Variants in DKKL1 observed in about 807,000 individuals in gnomAD.
DKKL1 encodes the protein dickkopf-like protein 1.
A neutral mutation model predicts 16.5 loss-of-function variants in DKKL1; 11 were observed. The ratio of observed to expected loss-of-function variants is 0.67; its 90% CI spans 0.42 to 1.10. The LOEUF is 1.10. Among genes scored for constraint, DKKL1 ranks in the 50% least tolerant of loss-of-function variants. DKKL1 has a pLI of 0.00. For missense variants in DKKL1, 320 were observed against 308.1 expected, an observed-to-expected ratio of 1.04 and a Z score of -0.29; for synonymous variants, 119 against 133.2, an observed-to-expected ratio of 0.89 and a Z score of 0.73.
chr19:49,363,814 G>A (rs997384636), upstream of DKKL1: 109 of 829,622 alleles, frequency 1.3e-4, no homozygotes, highest in Non-Finnish European at 2.6e-5. Flanking sequence ...CGGCAAGTTT[G>A]GAGCGTGGTC....
upstream of DKKL1, chr19:49,363,616 G>GCCAGGACTT: frequency 8.7e-6 from 3 of 344,404 alleles, no homozygotes; most frequent in South Asian, 7.1e-5. Flanking sequence ...AGAGAACACC[G>GCCAGGACTT]CCAGGACTTC....
chr19:49,366,034 TCTC>T, intron 4 of DKKL1, 149 bp downstream of exon 4: 1 of 668,192 alleles, frequency 1.5e-6, no homozygotes, highest in Non-Finnish European at 2.4e-6. Context: ...TTCAGGCAAT[TCTC>T]CTGCCTCAAG....
At chr19:49,365,468 T>C in intron 2 of DKKL1, 41 bp from the exon 3 acceptor site, 1 of 1,559,912 alleles carries the variant, frequency 6.4e-7, no homozygotes, top group Non-Finnish European at 8.7e-7. Flanking sequence ...ACTGAGGAGA[T>C]GTGAGGTCCA....
chr19:49,370,596 G>A (rs1973441470), intron 4 of DKKL1: 2 of 152,084 alleles, frequency 1.3e-5, no homozygotes, highest in Non-Finnish European at 2.9e-5. Context: ...AAGTTCCCAT[G>A]GAGGATACCC....
In DKKL1 at chr19:49,365,090, C is replaced by T. The variant is rs1034736599; in HGVS notation, c.183+336C>T. Among the ~76,000 whole-genome samples the T allele has an allele frequency of 2.0e-5, 3 of 152,150 alleles. No homozygotes were observed. The East Asian group carries it at 5.8e-4, about 29-fold the overall frequency. On this transcript the variant is annotated intron_variant, in intron 2 of 4. Coordinates refer to ENST00000221498, the MANE Select transcript of DKKL1 (RefSeq NM_014419.4). ...CTGAGGCAGAAGGATCCCTTGAGCCCAGGAGGTCGAGGCTGCAGTAAGCCA... is the reference window on the plus strand; with the variant it reads ...CTGAGGCAGAAGGATCCCTTGAGCCTAGGAGGTCGAGGCTGCAGTAAGCCA...
Position 49,374,760 on chromosome 19 carries a change from A to C in DKKL1, c.461A>C (p.Lys154Thr). ...EEKEALVPIQKATDSFHTELH... is the reference protein window; with the variant it reads ...EEKEALVPIQTATDSFHTELH... ...AAGGAGGCCCTGGTACCCATCCAGA[A>C]GGCCACGGACAGCTTCCACACAGAA... Residue 154 changes from lysine to threonine, a missense_variant, in exon 5 of 5, where the codon AAG becomes ACG. Transcript: ENST00000221498. 6.3e-7 allele frequency: 1 copy of C among 1,575,710 alleles called. No individual in the cohort carries two copies. The highest frequency in any genetic ancestry group is 2.3e-5 in the East Asian group (1 of 44,392).
intron 4 of DKKL1, chr19:49,371,249 T>C (rs920865055): frequency 6.6e-6 from 1 of 152,218 alleles, no homozygotes; most frequent in Non-Finnish European, 1.5e-5. Flanking sequence ...TAGAAGTCCC[T>C]ACAGATTTTT....
chr19:49,364,851 G>A, intron 2 of DKKL1, 97 bp downstream of exon 2: 2 of 1,452,290 alleles, frequency 1.4e-6, no homozygotes, highest in Non-Finnish European at 1.9e-6. Flanking sequence ...GGACAGACAG[G>A]ATGAGAGGGC....
At chr19:49,373,860 G>C (rs1306680111) in intron 4 of DKKL1, among the ~76,000 whole-genome samples, 2 of 152,132 alleles carry the variant, frequency 1.3e-5, no homozygotes, top group Non-Finnish European at 2.9e-5. Context: ...GGTCTGAGTG[G>C]GGTGGGACCT....
At chr19:49,363,723 G>A (rs918178624), upstream of DKKL1, 6 of 537,758 alleles carry the variant, frequency 1.1e-5, no homozygotes, top group African/African-American at 1.1e-4. Context: ...GGCTTAAGGG[G>A]TGTGGTGAAC....
At chr19:49,365,218 CAA>C (rs1973202365) in intron 2 of DKKL1, among the ~76,000 whole-genome samples, 1 of 138,752 alleles carries the variant, frequency 7.2e-6, no homozygotes, top group Admixed American at 7.0e-5. Flanking sequence ...AGGTAACAGG[CAA>C]AGAGAGAGGA....
In DKKL1 at chr19:49,375,067, A is replaced by T; in HGVS notation, c.*39A>T. 1 of 1,553,870 alleles carries T rather than the reference A, an allele frequency of 6.4e-7. No homozygotes were observed. The highest frequency in any genetic ancestry group is 8.7e-7 in the Non-Finnish European group (1 of 1,151,062). On this transcript the variant is annotated 3_prime_UTR_variant, in exon 5 of 5. Transcript: ENST00000221498. ...GGAGCACCTGCCTGTAGCCCCCATC[A>T]GACCCTGCCCCAAGCACCATATGGA...
At chr19:49,366,691 G>T (rs1430126526) in intron 4 of DKKL1, among the ~76,000 whole-genome samples, 12 of 141,940 alleles carry the variant, frequency 8.5e-5, no homozygotes, top group East Asian at 4.1e-4. Flanking sequence ...GATTTTTGGG[G>T]TTTTTTTTGT....
intron 1 of DKKL1, 99 bp from the exon 2 acceptor site, chr19:49,364,483 C>G: frequency 9.8e-7 from 1 of 1,015,712 alleles, no homozygotes; most frequent in Non-Finnish European, 1.4e-6. Flanking sequence ...GTGGGAGTTG[C>G]CTGAACTGGG....
At chr19:49,373,927 G>A (rs1383607328) in intron 4 of DKKL1, among the ~76,000 whole-genome samples, 1 of 151,872 alleles carries the variant, frequency 6.6e-6, no homozygotes, top group African/African-American at 2.4e-5. Context: ...GGACCAAACA[G>A]ACACTCAGTC....
chr19:49,375,052 C>A lies in DKKL1; in HGVS notation c.*24C>A. On this transcript the variant is annotated 3_prime_UTR_variant, in exon 5 of 5. Transcript: ENST00000221498. ...AGGGGTGGGGACCGGGGAGCACCTG[C>A]CTGTAGCCCCCATCAGACCCTGCCC... 6.4e-7 allele frequency: 1 copy of A among 1,572,904 alleles called. No individual in the cohort carries two copies.
intron 4 of DKKL1, among the ~76,000 whole-genome samples, chr19:49,372,853 T>G (rs1973556666): frequency 6.7e-6 from 1 of 150,244 alleles, no homozygotes; most frequent in African/African-American, 2.5e-5. Flanking sequence ...AATACAAAAT[T>G]AGCCGGGCAT....
intron 1 of DKKL1, 49 bp downstream of exon 1, chr19:49,364,057 C>T (rs1267917492): frequency 6.2e-7 from 1 of 1,608,576 alleles, no homozygotes; most frequent in African/African-American, 1.3e-5. Context: ...GAGGAAAAGA[C>T]CATTGGATGA....
intron 2 of DKKL1, among the ~76,000 whole-genome samples, chr19:49,364,965 G>C (rs1973193253): frequency 1.3e-5 from 2 of 151,774 alleles, no homozygotes; most frequent in Admixed American, 1.3e-4. Flanking sequence ...CCCAGTACTT[G>C]GAGACCAGCC....
Sources: gnomAD v4.1 joint callset for allele counts (sites outside exome capture counted in the v4.1 genomes callset) on GRCh38, gnomAD v4.1.1 for gene constraint, MANE v1.5 for transcripts, NCBI Gene and HGNC (gene_info 2026-07-23, HGNC 2026-07-21) for gene names.